The following PPP3CA variants were observed in gnomAD, a reference collection of about 807,000 sequenced individuals.
The protein encoded by PPP3CA is protein phosphatase 3 catalytic subunit alpha, also known as CAM-PRP catalytic subunit.
In PPP3CA, 14 loss-of-function variants were observed where a neutral mutation model predicts 66.5. That is an observed-to-expected ratio of 0.21 (90% CI 0.14 to 0.33). The LOEUF (loss-of-function observed/expected upper bound fraction) is 0.33, where lower values mean the gene tolerates loss of function less well. PPP3CA is among the 10% of genes least tolerant of loss of function. The pLI is 1.00. For missense variants in PPP3CA, 317 were observed against 639.5 expected (o/e 0.50, Z 5.44); for synonymous variants, 232 against 226.2 (o/e 1.03, Z -0.23).
intron 1 of PPP3CA, among the ~76,000 whole-genome samples, chr4:101,301,244 G>A (rs1394088722): frequency 6.6e-6 from 1 of 151,438 alleles, no homozygotes; most frequent in Non-Finnish European, 1.5e-5. Context: ...CATTCACATT[G>A]TGTTTACTGA....
At chr4:101,037,863 T>C (rs527549927) in intron 11 of PPP3CA, among the ~76,000 whole-genome samples, 2 of 152,204 alleles carry the variant, frequency 1.3e-5, no homozygotes, top group Non-Finnish European at 2.9e-5. Flanking sequence ...TCATGTCTTT[T>C]GCTAGTCAGT....
chr4:101,274,021 G>A (rs1423363100), intron 1 of PPP3CA, among the ~76,000 whole-genome samples: 4 of 151,974 alleles, frequency 2.6e-5, no homozygotes, highest in African/African-American at 7.2e-5. Flanking sequence ...TAGATTAAAG[G>A]TTGGCCAGGC....
chr4:101,197,398 T>C (rs769593904), intron 1 of PPP3CA, among the ~76,000 whole-genome samples: 6 of 152,204 alleles, frequency 3.9e-5, no homozygotes, highest in Non-Finnish European at 7.3e-5. Flanking sequence ...TCCAGCCACA[T>C]CTATTTCACT....
Position 101,323,304 on chromosome 4 carries a change from T to C in PPP3CA, c.58+23435A>G, listed in dbSNP as rs141252763. 4.6e-3 allele frequency among the ~76,000 whole-genome samples: 699 copies of C among 152,328 alleles called. 4 individuals are homozygous for C. Among genetic ancestry groups the C allele is most frequent in the African/African-American group, 0.016 (662 of 41,566 alleles). ...ATGAATTGTTTTTAAAATACTCAAC[T>C]GTGCTACTATAGGGCTTTGGGGAAG... On this transcript the variant is annotated intron_variant, in intron 1 of 13. Coordinates refer to ENST00000394854, the MANE Select transcript of PPP3CA (RefSeq NM_000944.5).
chr4:101,285,623 G>A (rs1007111812), intron 1 of PPP3CA, among the ~76,000 whole-genome samples: 1 of 150,304 alleles, frequency 6.7e-6, no homozygotes, highest in African/African-American at 2.5e-5. Flanking sequence ...GTGTGTGTGT[G>A]TGTGTGTGTG....
intron 10 of PPP3CA, among the ~76,000 whole-genome samples, chr4:101,052,179 T>C (rs1382459077): frequency 6.6e-6 from 1 of 152,044 alleles, no homozygotes; most frequent in Non-Finnish European, 1.5e-5. Flanking sequence ...ACCATTTTAA[T>C]TGCTAAATTA....
chr4:101,246,334 C>T (rs1409877816), intron 1 of PPP3CA, among the ~76,000 whole-genome samples: 1 of 152,092 alleles, frequency 6.6e-6, no homozygotes, highest in Admixed American at 6.5e-5. Context: ...AGGAAGGGGC[C>T]AATGAGATGC....
chr4:101,173,017 T>C (rs1368563732), intron 2 of PPP3CA, among the ~76,000 whole-genome samples: 1 of 152,168 alleles, frequency 6.6e-6, no homozygotes, highest in African/African-American at 2.4e-5. Context: ...ATAACCCACA[T>C]GTACACGGAG....
chr4:101,027,432 T>C (rs1046881998), intron 13 of PPP3CA, among the ~76,000 whole-genome samples: 1 of 152,126 alleles, frequency 6.6e-6, no homozygotes, highest in Admixed American at 6.6e-5. Flanking sequence ...ATTTTAAAGG[T>C]TAGCATAATG....
At position 101,040,470 on chromosome 4, in the gene PPP3CA, G is replaced by A. The variant is rs373784698; in HGVS notation, c.1241+12C>T. ...ACAATTTGAAACAAAAACAGAGTAC[G>A]AATGCACCCACCTGAGCACTGAGAA... On this transcript the variant is annotated intron_variant, in intron 11 of 13. Transcript: ENST00000394854. 7.0e-6 allele frequency: 11 copies of A among 1,578,496 alleles called. No individual in the cohort carries two copies. The East Asian group carries it at 1.1e-4, about 16-fold the overall frequency.
intron 2 of PPP3CA, among the ~76,000 whole-genome samples, chr4:101,125,059 C>A (rs368813910): frequency 5.3e-5 from 8 of 152,310 alleles, no homozygotes; most frequent in African/African-American, 1.9e-4. Context: ...AGATTCAATT[C>A]ATCAAAGCCT....
At chr4:101,322,656 C>T (rs1324367366) in intron 1 of PPP3CA, among the ~76,000 whole-genome samples, 2 of 151,982 alleles carry the variant, frequency 1.3e-5, no homozygotes, top group Non-Finnish European at 1.5e-5. Flanking sequence ...GTGATCCGTC[C>T]GACCCAGCCT....
At chr4:101,275,442 T>A (rs555046944) in intron 1 of PPP3CA, among the ~76,000 whole-genome samples, 1 of 152,316 alleles carries the variant, frequency 6.6e-6, no homozygotes, top group African/African-American at 2.4e-5. Flanking sequence ...GCCAGTATAT[T>A]ATAACCTTGT....
At chr4:101,034,738 A>T (rs1275587383) in intron 11 of PPP3CA, among the ~76,000 whole-genome samples, 1 of 152,174 alleles carries the variant, frequency 6.6e-6, no homozygotes, top group Non-Finnish European at 1.5e-5. Flanking sequence ...GAGATAATTA[A>T]TTATTGTTTA....
At chr4:101,334,280 G>A (rs894093561) in intron 1 of PPP3CA, among the ~76,000 whole-genome samples, 1 of 151,998 alleles carries the variant, frequency 6.6e-6, no homozygotes, top group Non-Finnish European at 1.5e-5. Context: ...GATTACAGGC[G>A]CATGACACCA....
chr4:101,285,419 T>G (rs1455389182), intron 1 of PPP3CA, among the ~76,000 whole-genome samples: 2 of 152,092 alleles, frequency 1.3e-5, no homozygotes, highest in African/African-American at 4.8e-5. Flanking sequence ...AATACAAGAT[T>G]TATAACCCCT....
intron 8 of PPP3CA, among the ~76,000 whole-genome samples, chr4:101,075,820 C>T (rs1021840355): frequency 2.6e-4 from 40 of 152,108 alleles, no homozygotes; most frequent in African/African-American, 9.4e-4. Context: ...TTCTTTGTTG[C>T]TTTTTCCAAA....
intron 1 of PPP3CA, among the ~76,000 whole-genome samples, chr4:101,283,401 A>G (rs1727745848): frequency 6.6e-6 from 1 of 152,162 alleles, no homozygotes; most frequent in Admixed American, 6.5e-5. Context: ...CCTTCTACAC[A>G]ATGTTATAAA....
intron 1 of PPP3CA, among the ~76,000 whole-genome samples, chr4:101,326,194 G>C (rs1335285176): frequency 1.3e-5 from 2 of 152,168 alleles, no homozygotes; most frequent in Non-Finnish European, 2.9e-5. Context: ...TAATCTATGG[G>C]ATAGGTATAT....
Sources: allele counts gnomAD v4.1 joint callset (sites outside exome capture counted in the v4.1 genomes callset), GRCh38; gene constraint gnomAD v4.1.1; transcripts MANE v1.5; gene names NCBI Gene and HGNC (gene_info 2026-07-23, HGNC 2026-07-21).